The following ITGA8 variants were observed in gnomAD, a reference collection of about 807,000 sequenced individuals.
ITGA8 encodes the protein integrin subunit alpha 8.
Under a neutral mutation model 142.3 loss-of-function variants are expected in ITGA8, and 91 were observed. That is an observed-to-expected ratio of 0.64 (90% confidence interval 0.54 to 0.76). The LOEUF is 0.76. Ranked by LOEUF, ITGA8 falls within the 30% of genes least tolerant of loss-of-function variation. The pLI, the probability that ITGA8 is intolerant of heterozygous loss-of-function variation, is 0.00. For synonymous variants in ITGA8, 505 were observed against 485.2 expected, an observed-to-expected ratio of 1.04 and a Z score of -0.54; for missense variants, 1,406 against 1,327.7, an observed-to-expected ratio of 1.06 and a Z score of -0.92.
At chr10:15,551,614 G>C (rs1588639304) in intron 26 of ITGA8, among the ~76,000 whole-genome samples, 1 of 152,296 alleles carries the variant, frequency 6.6e-6, no homozygotes, top group Admixed American at 6.5e-5. Flanking sequence ...TTATTTTTCA[G>C]TGTTTTAGAT....
chr10:15,582,369 C>A (rs893369859), intron 23 of ITGA8, among the ~76,000 whole-genome samples: 9 of 152,122 alleles, frequency 5.9e-5, no homozygotes, highest in African/African-American at 2.2e-4. Flanking sequence ...AGGTGAAAAT[C>A]TTTGTGACTT....
chr10:15,719,891 C>T lies in ITGA8; in HGVS notation c.-120G>A, dbSNP rs1835532845. ...TGCCCGTGTCCCGGGTCGGTGCGCT[C>T]GGCGCACCCGTGGTGACAGTGCCCG... is the stretch of plus-strand genomic sequence containing the variant. On this transcript the variant is annotated 5_prime_UTR_variant, in exon 1 of 30. Transcript: ENST00000378076. The T allele has an allele frequency of 1.6e-5, 12 of 752,660 alleles. No individual in the cohort carries two copies. Among genetic ancestry groups the T allele is most frequent in the South Asian group, 5.1e-5 (1 of 19,728 alleles). The allele number at this position is 752,660 out of a possible 1,614,324, so 46.6% of individuals were successfully genotyped here. A position where few individuals can be genotyped will look rare whatever the true frequency, so the allele number is the denominator to read the frequency against.
chr10:15,710,513 G>C (rs377128078), intron 2 of ITGA8, among the ~76,000 whole-genome samples: 91 of 152,314 alleles, frequency 6.0e-4, no homozygotes, highest in African/African-American at 2.0e-3. Flanking sequence ...GAAGCCTGAA[G>C]TATCAGAAAA....
chr10:15,624,789 A>G (rs1179087279), intron 13 of ITGA8, among the ~76,000 whole-genome samples: 1 of 152,212 alleles, frequency 6.6e-6, no homozygotes, highest in African/African-American at 2.4e-5. Flanking sequence ...TCACTTTCAT[A>G]CAATGATGAT....
intron 27 of ITGA8, among the ~76,000 whole-genome samples, chr10:15,540,361 G>C (rs1833544899): frequency 6.6e-6 from 1 of 152,002 alleles, no homozygotes; most frequent in South Asian, 2.1e-4. Flanking sequence ...CACCCTTTTA[G>C]CTCCCACATA....
At chr10:15,684,937 G>A (rs1269525389) in intron 3 of ITGA8, among the ~76,000 whole-genome samples, 1 of 152,128 alleles carries the variant, frequency 6.6e-6, no homozygotes, top group African/African-American at 2.4e-5. Flanking sequence ...AGTTTATCAC[G>A]GAAGCCGCAT....
chr10:15,542,533 A>G (rs1833590886), intron 27 of ITGA8, among the ~76,000 whole-genome samples: 1 of 152,240 alleles, frequency 6.6e-6, no homozygotes. Context: ...TTTAATACAC[A>G]GTATTTAAAA....
intron 8 of ITGA8, among the ~76,000 whole-genome samples, chr10:15,665,377 C>T (rs546613423): frequency 1.3e-5 from 2 of 151,698 alleles, no homozygotes; most frequent in African/African-American, 4.8e-5. Flanking sequence ...GTTTTTTTCT[C>T]ATAAATTTGT....
At chr10:15,545,575 G>T (rs1833653558) in intron 27 of ITGA8, among the ~76,000 whole-genome samples, 1 of 152,012 alleles carries the variant, frequency 6.6e-6, no homozygotes, top group African/African-American at 2.4e-5. Flanking sequence ...CATTCTCTTC[G>T]TTTCTTGCTA....
At chr10:15,695,937 G>C (rs1029150969) in intron 2 of ITGA8, among the ~76,000 whole-genome samples, 3 of 152,174 alleles carry the variant, frequency 2.0e-5, no homozygotes, top group African/African-American at 7.2e-5. Context: ...CAAATTCCTT[G>C]ATCTGCAGGT....
chr10:15,694,941 A>T (rs1454112515), intron 2 of ITGA8, among the ~76,000 whole-genome samples: 1 of 151,918 alleles, frequency 6.6e-6, no homozygotes, highest in South Asian at 2.1e-4. Context: ...TCAAAAATTC[A>T]AACAGAGTTA....
Position 15,644,474 on chromosome 10 carries a change from ATATATATATATATATATAGAATT to A in ITGA8, c.1208-276_1208-254del, listed in dbSNP as rs1564388937. Among the ~76,000 whole-genome samples the A allele has an allele frequency of 3.8e-3, 57 of 15,132 alleles. 4 individuals carry two copies. The highest frequency in any genetic ancestry group is 9.2e-3 in the Admixed American group (7 of 760). The allele number at this position is 15,132 out of a possible 152,430, so 9.9% of individuals were successfully genotyped here. A position where few individuals can be genotyped will look rare whatever the true frequency, so the allele number is the denominator to read the frequency against. ...TATATATATATATATATATATATATATATATATATATATATATAGAATTTTTTTTTTTTTTTGAGCAATGGGTC... is the reference window on the plus strand; with the variant it reads ...TATATATATATATATATATATATATATTTTTTTTTTTTTGAGCAATGGGTC... On this transcript the variant is annotated intron_variant, in intron 12 of 29. Transcript: ENST00000378076.
Position 15,557,422 on chromosome 10 carries a change from G to A in ITGA8, c.2766+652C>T, listed in dbSNP as rs1376604846. ...TGCTGACTCATGAACACTGAAGATA[G>A]TATTGCTAAGGGCTAACTAAGCTCA... On this transcript the variant is annotated intron_variant, in intron 26 of 29. Coordinates refer to ENST00000378076, the MANE Select transcript of ITGA8 (RefSeq NM_003638.3). 2.0e-5 allele frequency among the ~76,000 whole-genome samples: 3 copies of A among 152,298 alleles called. No homozygotes were observed. The East Asian group carries it at 5.8e-4, about 29-fold the overall frequency.
intron 27 of ITGA8, among the ~76,000 whole-genome samples, chr10:15,543,383 C>T (rs745982708): frequency 8.5e-5 from 13 of 152,116 alleles, no homozygotes; most frequent in Non-Finnish European, 1.8e-4. Flanking sequence ...ATATGCTCAC[C>T]CCTGTGTTTA....
intron 13 of ITGA8, among the ~76,000 whole-genome samples, chr10:15,622,343 T>A (rs1438250521): frequency 2.1e-5 from 3 of 140,342 alleles, no homozygotes; most frequent in Non-Finnish European, 4.7e-5. Context: ...TTCCCAAAAA[T>A]GCCATTGGAC....
intron 6 of ITGA8, among the ~76,000 whole-genome samples, chr10:15,674,161 T>C (rs1364723545): frequency 6.6e-6 from 1 of 152,202 alleles, no homozygotes; most frequent in African/African-American, 2.4e-5. Context: ...ACTATTCTGA[T>C]ATTAAGACCA....
rs1564331445 is a variant in ITGA8 at position 15,515,511 on chromosome 10, G to GTT, written c.*1646_*1647insAA. On this transcript the variant is annotated 3_prime_UTR_variant, in exon 30 of 30. Transcript: ENST00000378076. ...GCTTGGCTCATCTTTCAAACAAAGC[G>GTT]TGATTGTTGAAATCAGGACACAAAG... 1 of 151,812 alleles carries GTT rather than the reference G, an allele frequency of 6.6e-6. No individual in the cohort carries two copies. The highest frequency in any genetic ancestry group is 2.4e-5 in the African/African-American group (1 of 41,330). The allele number at this position is 151,812 out of a possible 1,614,324, so 9.4% of individuals were successfully genotyped here. A position where few individuals can be genotyped will look rare whatever the true frequency, so the allele number is the denominator to read the frequency against.
chr10:15,526,905 C>T (rs191750341), intron 28 of ITGA8, among the ~76,000 whole-genome samples: 4 of 151,974 alleles, frequency 2.6e-5, no homozygotes, highest in African/African-American at 4.8e-5. Flanking sequence ...ATAAATAAAC[C>T]TTTAATATGC....
intron 8 of ITGA8, among the ~76,000 whole-genome samples, chr10:15,670,551 T>A (rs1834492829): frequency 6.6e-6 from 1 of 152,122 alleles, no homozygotes; most frequent in Admixed American, 6.6e-5. Context: ...AGATAAATAA[T>A]AACAATACAT....
Sources: gnomAD v4.1 joint callset for allele counts (sites outside exome capture counted in the v4.1 genomes callset) on GRCh38, gnomAD v4.1.1 for gene constraint, MANE v1.5 for transcripts, NCBI Gene and HGNC (gene_info 2026-07-23, HGNC 2026-07-21) for gene names.